The following TRIO variants were observed in gnomAD, a reference collection of about 807,000 sequenced individuals.
TRIO encodes the protein trio Rho guanine nucleotide exchange factor, also known as triple functional domain protein.
A neutral mutation model predicts 351.9 loss-of-function variants in TRIO; 58 were observed. That is an observed-to-expected ratio of 0.16 (90% CI 0.13 to 0.21). TRIO has a LOEUF of 0.21. TRIO is among the 10% of genes least tolerant of loss of function. TRIO has a pLI of 1.00. For missense variants in TRIO, 3,201 were observed against 4,027.8 expected (o/e 0.79, Z 5.56); for synonymous variants, 1,758 against 1,595.7 (o/e 1.10, Z -2.42).
At chr5:14,376,925 G>T (rs1216482574) in intron 19 of TRIO, among the ~76,000 whole-genome samples, 1 of 152,156 alleles carries the variant, frequency 6.6e-6, no homozygotes, top group African/African-American at 2.4e-5. Context: ...GTGAAAGATG[G>T]TCTCATTGTT....
Position 14,492,697 on chromosome 5 carries a change from T to C in TRIO, c.7763T>C (p.Met2588Thr). The C allele has an allele frequency of 6.2e-7, 1 of 1,614,066 alleles. No homozygotes were observed. The highest frequency in any genetic ancestry group is 8.5e-7 in the Non-Finnish European group (1 of 1,179,984). The change falls in exon 49 of 57, where the codon ATG (methionine) becomes ACG (threonine). Residue 2588 changes from methionine to threonine, a missense_variant. This residue lies in a region of TRIO where 1,089 missense variants were observed against 954.9 expected (regional missense o/e 1.14). Coordinates refer to ENST00000344204, the MANE Select transcript of TRIO (RefSeq NM_007118.4). ...VQILASNQQN[M>T]FLVFRAATDQ... is the part of the protein sequence containing the mutation. ...ATTCTGGCCAGCAACCAGCAGAACA[T>C]GTTTCTGGTGTTCCGAGCCGCCACT...
At chr5:14,331,972 C>G (rs986278929) in intron 10 of TRIO, among the ~76,000 whole-genome samples, 2 of 152,160 alleles carry the variant, frequency 1.3e-5, no homozygotes, top group African/African-American at 4.8e-5. Flanking sequence ...CAGGAAGATA[C>G]TCTTTCATGT....
At chr5:14,494,278 A>T (rs2126667223) in intron 49 of TRIO, among the ~76,000 whole-genome samples, 1 of 152,252 alleles carries the variant, frequency 6.6e-6, no homozygotes, top group Non-Finnish European at 1.5e-5. Flanking sequence ...ACAACTCTTC[A>T]TCCCCCTGGA....
chr5:14,192,940 C>A (rs1185331519), intron 1 of TRIO, among the ~76,000 whole-genome samples: 1 of 152,168 alleles, frequency 6.6e-6, no homozygotes, highest in Admixed American at 6.5e-5. Flanking sequence ...GGAAAAATGC[C>A]ATATATGGCA....
At chr5:14,470,930 T>C (rs558432488) in intron 37 of TRIO, among the ~76,000 whole-genome samples, 2 of 152,288 alleles carry the variant, frequency 1.3e-5, no homozygotes, top group South Asian at 4.1e-4. Context: ...CCCACGCACA[T>C]CCCAGCAGCT....
intron 33 of TRIO, among the ~76,000 whole-genome samples, chr5:14,408,148 A>T (rs1326830912): frequency 6.6e-6 from 1 of 152,214 alleles, no homozygotes; most frequent in South Asian, 2.1e-4. Context: ...GACAGAGTCC[A>T]GTATTTGGAA....
chr5:14,259,015 C>T (rs937803438), intron 1 of TRIO, among the ~76,000 whole-genome samples: 17 of 152,192 alleles, frequency 1.1e-4, no homozygotes, highest in Non-Finnish European at 1.3e-4. Flanking sequence ...AGGGAGGAGA[C>T]GCCACCAGGC....
rs71599622 is a variant in TRIO at position 14,372,253 on chromosome 5, TGAGAGA to T, written c.3217-1958_3217-1953del. ...GGGGGAAGAAAGAGAGGCGGGGGTG[TGAGAGA>T]GAGAGAGAGAGAGAGAGTGCAGGCG... is the stretch of plus-strand genomic sequence containing the variant. On this transcript the variant is annotated intron_variant, in intron 18 of 56. Transcript: ENST00000344204. Among the ~76,000 whole-genome samples the T allele has an allele frequency of 9.3e-3, 1,069 of 115,350 alleles. 17 individuals are homozygous for T. The highest frequency in any genetic ancestry group is 0.031 in the African/African-American group (946 of 30,922). 75.7% of individuals were successfully genotyped at this position (115,350 alleles called of 152,430 possible). A position where few individuals can be genotyped will look rare whatever the true frequency, so the allele number is the denominator to read the frequency against.
At chr5:14,430,216 CAA>C (rs139833933) in intron 34 of TRIO, among the ~76,000 whole-genome samples, 39 of 118,504 alleles carry the variant, frequency 3.3e-4, no homozygotes, top group African/African-American at 4.6e-4. Context: ...ACCCAAATAG[CAA>C]AAAAAAAAAA....
chr5:14,316,443 G>A, intron 8 of TRIO, 70 bp from the exon 9 acceptor site: 1 of 1,518,424 alleles, frequency 6.6e-7, no homozygotes, highest in Non-Finnish European at 9.0e-7. Context: ...TGTATCCAAG[G>A]ACAGCATCTG....
At chr5:14,381,362 T>C in intron 21 of TRIO, 110 bp downstream of exon 21, 4 of 1,337,766 alleles carry the variant, frequency 3.0e-6, no homozygotes, top group Non-Finnish European at 3.9e-6. Context: ...CCCAGTGGGC[T>C]GTTCCACATT....
chr5:14,316,407 C>A, intron 8 of TRIO, 106 bp from the exon 9 acceptor site: 2 of 1,082,936 alleles, frequency 1.8e-6, no homozygotes, highest in South Asian at 1.5e-5. Context: ...TGTACATGTA[C>A]GTGTGTGCCT....
chr5:14,312,099 C>T (rs1398622106), intron 8 of TRIO, among the ~76,000 whole-genome samples: 1 of 152,140 alleles, frequency 6.6e-6, no homozygotes, highest in Non-Finnish European at 1.5e-5. Context: ...AAGAATATTC[C>T]TGCTGGAAAC....
Position 14,297,103 on chromosome 5 carries a change from C to T in TRIO, c.1208C>T (p.Ser403Leu). The change falls in exon 7 of 57, where the codon TCG becomes TTG. Residue 403 changes from serine to leucine, a missense_variant. Physicochemically the swap from Ser to Leu is moderately radical, Grantham distance 145 (BLOSUM62 -2). Transcript: ENST00000344204. Reference protein sequence around the residue: ...NVYVNINRIMSVANRLVESGH... With the variant: ...NVYVNINRIMLVANRLVESGH... ...TATGTAAATATAAACCGCATCATGT[C>T]GGTGGCCAATCGTCTGGTGGAGTCT... 3.1e-6 allele frequency: 5 copies of T among 1,613,764 alleles called. No homozygotes were observed. The highest frequency in any genetic ancestry group is 1.1e-5 in the South Asian group (1 of 91,048).
In TRIO at chr5:14,179,469, A is replaced by G. The variant is rs377751409; in HGVS notation, c.157+35587A>G. Among the ~76,000 whole-genome samples the G allele has an allele frequency of 2.6e-5, 4 of 151,124 alleles. No individual in the cohort carries two copies. The East Asian group carries it at 7.7e-4, about 29-fold the overall frequency. On this transcript the variant is annotated intron_variant, in intron 1 of 56. Transcript: ENST00000344204. Reference sequence around the variant, plus strand: ...CAAAGCTTTTTTTTTTTTTTCTTAAAATCTGGATTTTTTTTAGGGTCTCAC... The same window carrying G: ...CAAAGCTTTTTTTTTTTTTTCTTAAGATCTGGATTTTTTTTAGGGTCTCAC...
At chr5:14,440,568 G>A (rs1431021580) in intron 34 of TRIO, among the ~76,000 whole-genome samples, 3 of 152,336 alleles carry the variant, frequency 2.0e-5, no homozygotes, top group East Asian at 1.9e-4. Context: ...CTTATAGTTC[G>A]CATGCAAGAA....
chr5:14,457,124 T>G (rs1753372136), intron 34 of TRIO, among the ~76,000 whole-genome samples: 1 of 152,220 alleles, frequency 6.6e-6, no homozygotes, highest in South Asian at 2.1e-4. Context: ...ATTTGCAGAC[T>G]TCTGAAACAA....
At position 14,271,462 on chromosome 5, in the gene TRIO, C is replaced by A. The variant is rs573189327; in HGVS notation, c.232+563C>A. Among the ~76,000 whole-genome samples the A allele has an allele frequency of 4.6e-5, 7 of 152,286 alleles. No individual in the cohort carries two copies. The South Asian group carries it at 1.5e-3, about 32-fold the overall frequency. On this transcript the variant is annotated intron_variant, in intron 2 of 56. Coordinates refer to ENST00000344204, the MANE Select transcript of TRIO (RefSeq NM_007118.4). ...AGACCCAGTCTTTGAGGCCCTGGCC[C>A]GCCCGCAGACAGACTCTGGGCCAGT...
At chr5:14,295,266 T>C (rs1466495244) in intron 6 of TRIO, among the ~76,000 whole-genome samples, 2 of 152,234 alleles carry the variant, frequency 1.3e-5, no homozygotes, top group African/African-American at 4.8e-5. Context: ...CAATTATGCA[T>C]GTTCTACTCT....
Sources: allele counts gnomAD v4.1 joint callset (sites outside exome capture counted in the v4.1 genomes callset), GRCh38; gene constraint gnomAD v4.1.1; regional missense constraint gnomAD v4.1.1; transcripts MANE v1.5; gene names NCBI Gene and HGNC (gene_info 2026-07-23, HGNC 2026-07-21).